UHRF2: variants seen among roughly 807,000 people sequenced by gnomAD.
UHRF2 encodes ubiquitin like with PHD and ring finger domains 2, also known as E3 ubiquitin-protein ligase UHRF2.
In UHRF2, 23 loss-of-function variants were observed where a neutral mutation model predicts 96.8. That is an observed-to-expected ratio of 0.24 (90% CI 0.17 to 0.34). UHRF2 has a LOEUF of 0.34. Among genes scored for constraint, UHRF2 ranks in the 10% least tolerant of loss-of-function variants. UHRF2 has a pLI of 1.00. For synonymous variants in UHRF2, 385 were observed against 332.6 expected, an observed-to-expected ratio of 1.16 and a Z score of -1.72; for missense variants, 685 against 981.5, an observed-to-expected ratio of 0.70 and a Z score of 4.04.
intron 3 of UHRF2, among the ~76,000 whole-genome samples, chr9:6,435,839 C>T (rs1408210294): frequency 1.1e-4 from 16 of 151,834 alleles, no homozygotes; most frequent in Non-Finnish European, 2.9e-5. Context: ...GAACTCCTGA[C>T]CTCAAGTGAT....
intron 1 of UHRF2, among the ~76,000 whole-genome samples, chr9:6,414,886 G>A (rs763609365): frequency 1.3e-5 from 2 of 152,104 alleles, no homozygotes; most frequent in Non-Finnish European, 2.9e-5. Context: ...GTTTTGTACT[G>A]ACTTCTTAGT....
chr9:6,474,811 G>C (rs967533456), intron 4 of UHRF2, among the ~76,000 whole-genome samples: 7 of 152,268 alleles, frequency 4.6e-5, no homozygotes, highest in African/African-American at 1.7e-4. Flanking sequence ...AATTGAGTCT[G>C]ACAAGTATGG....
chr9:6,497,474 C>T (rs1015781320), intron 11 of UHRF2, 114 bp downstream of exon 11: 1 of 1,167,632 alleles, frequency 8.6e-7, no homozygotes. Context: ...TCTTATATTG[C>T]TACTTTTTCT....
At chr9:6,474,487 C>T (rs746249399) in intron 4 of UHRF2, among the ~76,000 whole-genome samples, 1 of 152,136 alleles carries the variant, frequency 6.6e-6, no homozygotes, top group Admixed American at 6.5e-5. Flanking sequence ...GGGCAGGTCA[C>T]CTGAGGTCAG....
rs902647736 is a variant in UHRF2 at position 6,413,529 on chromosome 9, G to A, written c.39G>A (p.Thr13=). The A allele has an allele frequency of 1.3e-6, 2 of 1,593,084 alleles. No individual in the cohort carries two copies. Among genetic ancestry groups the A allele is most frequent in the Admixed American group, 1.7e-5 (1 of 57,756 alleles). The change falls in exon 1 of 16, where the codon ACG becomes ACA. Residue 13 remains threonine, a synonymous_variant. Coordinates refer to ENST00000276893, the MANE Select transcript of UHRF2 (RefSeq NM_152896.3). ...IQVRTIDGSK[T]CTIEDVSRKA... ...TTCGCACCATTGATGGCTCCAAGAC[G>A]TGCACCATTGAGGACGTGTCTCGCA...
At chr9:6,457,263 G>C (rs1467043083) in intron 3 of UHRF2, among the ~76,000 whole-genome samples, 8 of 151,960 alleles carry the variant, frequency 5.3e-5, no homozygotes. Context: ...TATTCTCTTT[G>C]TAGCAATTGT....
intron 3 of UHRF2, among the ~76,000 whole-genome samples, chr9:6,441,645 A>C (rs143630983): frequency 7.9e-5 from 12 of 152,258 alleles, no homozygotes; most frequent in African/African-American, 2.4e-4. Context: ...AGTTTAACTA[A>C]ATATATTTTA....
At chr9:6,477,347 A>T (rs550864781) in intron 5 of UHRF2, among the ~76,000 whole-genome samples, 2 of 151,984 alleles carry the variant, frequency 1.3e-5, no homozygotes, top group Admixed American at 6.5e-5. Flanking sequence ...CAACATGGAG[A>T]AACCCCATCT....
At position 6,493,915 on chromosome 9, in the gene UHRF2, A is replaced by G. The variant is rs774962235; in HGVS notation, c.1587A>G (p.Thr529=). 3 of 1,613,782 alleles carry G rather than the reference A, an allele frequency of 1.9e-6. No individual in the cohort carries two copies. Among genetic ancestry groups the G allele is most frequent in the African/African-American group, 2.7e-5 (2 of 74,940 alleles). The change falls in exon 10 of 16, where the codon ACA becomes ACG. Residue 529 remains threonine, a synonymous_variant. Coordinates refer to ENST00000276893, the MANE Select transcript of UHRF2 (RefSeq NM_152896.3). The stretch of plus-strand genomic sequence containing the variant: ...TTGGTGCACCTTCAGCTGATCAAAC[A>G]TTAACAAACATGAACAGGTACTACT... ...KRIGAPSADQ[T]LTNMNRALAL...
intron 4 of UHRF2, among the ~76,000 whole-genome samples, chr9:6,473,676 A>T (rs531369912): frequency 1.3e-5 from 2 of 152,334 alleles, no homozygotes; most frequent in Admixed American, 6.5e-5. Context: ...TTCTGTAAAG[A>T]GCCGGATAGT....
At chr9:6,450,623 T>C (rs519674) in intron 3 of UHRF2, among the ~76,000 whole-genome samples, 148,518 of 152,178 alleles carry the variant, frequency 0.98, 72,575 homozygotes, top group East Asian at 1. Context: ...CCCTAGAATC[T>C]TTCAAAGGTT....
intron 9 of UHRF2, chr9:6,492,203 C>A: frequency 5.3e-6 from 2 of 376,814 alleles, no homozygotes; most frequent in South Asian, 3.3e-5. Flanking sequence ...GAAGAATAAT[C>A]AGAAATGTTT....
At chr9:6,471,994 C>G (rs1823267493) in intron 4 of UHRF2, among the ~76,000 whole-genome samples, 1 of 152,184 alleles carries the variant, frequency 6.6e-6, no homozygotes, top group African/African-American at 2.4e-5. Context: ...TGAGGTATAA[C>G]TTACATACAG....
chr9:6,424,163 C>G lies in UHRF2; in HGVS notation c.384+3021C>G, dbSNP rs141831269. Among the ~76,000 whole-genome samples, 306 of 152,208 alleles carry G rather than the reference C, an allele frequency of 2.0e-3. 7 individuals carry two copies. The East Asian group carries it at 0.045, about 22-fold the overall frequency. ...GTAAATATTAGAGAAGGCAAAGTTG[C>G]AGCCTATGGATACCTGGGAGAGCTG... is the stretch of plus-strand genomic sequence containing the variant. On this transcript the variant is annotated intron_variant, in intron 2 of 15. Coordinates refer to ENST00000276893, the MANE Select transcript of UHRF2 (RefSeq NM_152896.3).
At position 6,503,306 on chromosome 9, in the gene UHRF2, C is replaced by G. The variant is rs1452994146; in HGVS notation, c.2164-1287C>G. Among the ~76,000 whole-genome samples the G allele has an allele frequency of 1.3e-5, 2 of 151,884 alleles. 1 individual carries two copies. The highest frequency in any genetic ancestry group is 1.3e-4 in the Admixed American group (2 of 15,230). Reference sequence around the variant, plus strand: ...CCACCATGCTTGGCCTTAACTTTTTCTATTAATATAAAAAATAAATATGAA... The same window carrying G: ...CCACCATGCTTGGCCTTAACTTTTTGTATTAATATAAAAAATAAATATGAA... On this transcript the variant is annotated intron_variant, in intron 14 of 15. Transcript: ENST00000276893.
chr9:6,420,066 T>A (rs1245448169), intron 1 of UHRF2, among the ~76,000 whole-genome samples: 1 of 151,306 alleles, frequency 6.6e-6, no homozygotes, highest in African/African-American at 2.4e-5. Flanking sequence ...CCACCTTTTT[T>A]TTTTTCTTTT....
intron 8 of UHRF2, 57 bp downstream of exon 8, chr9:6,482,156 A>G (rs955578781): frequency 3.9e-5 from 53 of 1,364,788 alleles, no homozygotes; most frequent in Middle Eastern, 1.8e-4. Flanking sequence ...GATTATAGCA[A>G]TGTTAATGTC....
At chr9:6,468,559 A>G (rs1426879744) in intron 4 of UHRF2, 1 of 456,058 alleles carries the variant, frequency 2.2e-6, no homozygotes, top group Non-Finnish European at 4.4e-6. Flanking sequence ...GCAGTGTAAA[A>G]TCTAGTTCAG....
chr9:6,451,474 TTTTTG>T (rs776732939), intron 3 of UHRF2, among the ~76,000 whole-genome samples: 2,745 of 151,762 alleles, frequency 0.018, 29 homozygotes, highest in Middle Eastern at 0.048. Flanking sequence ...TTGTTTTTTT[TTTTTG>T]TTTGTTTGTT....
Sources: gnomAD v4.1 joint callset for allele counts (sites outside exome capture counted in the v4.1 genomes callset) on GRCh38, gnomAD v4.1.1 for gene constraint, MANE v1.5 for transcripts, NCBI Gene and HGNC (gene_info 2026-07-23, HGNC 2026-07-21) for gene names.